PLPPR1: variants seen among roughly 807,000 people sequenced by gnomAD.
PLPPR1 encodes phospholipid phosphatase-related protein type 1.
A neutral mutation model predicts 33.1 loss-of-function variants in PLPPR1; 10 were observed. The observed-to-expected ratio is 0.30, with a 90% CI of 0.19 to 0.51. PLPPR1 has a LOEUF of 0.51. Ranked by LOEUF, PLPPR1 falls within the 20% of genes least tolerant of loss-of-function variation. PLPPR1 has a pLI of 0.97. For synonymous variants in PLPPR1, 151 were observed against 151.0 expected, an observed-to-expected ratio of 1.00 and a Z score of 0.00; for missense variants, 304 against 408.1, an observed-to-expected ratio of 0.74 and a Z score of 2.20.
At chr9:101,273,144 C>A (rs1279707898) in intron 3 of PLPPR1, among the ~76,000 whole-genome samples, 1 of 152,112 alleles carries the variant, frequency 6.6e-6, no homozygotes, top group Non-Finnish European at 1.5e-5. Context: ...TGGGTAAGAT[C>A]TTTTTCTCTT....
intron 1 of PLPPR1, among the ~76,000 whole-genome samples, chr9:101,155,293 C>T (rs1227372958): frequency 2.0e-5 from 3 of 152,044 alleles, no homozygotes; most frequent in Admixed American, 1.3e-4. Flanking sequence ...TATAACAATA[C>T]CAGAGAGTGG....
chr9:101,180,141 TATACAC>T (rs1306838412), intron 1 of PLPPR1, among the ~76,000 whole-genome samples: 1,165 of 28,368 alleles, frequency 0.041, 2 homozygotes, highest in Non-Finnish European at 0.054. Context: ...TATATATATA[TATACAC>T]ACACACACAC....
intron 2 of PLPPR1, among the ~76,000 whole-genome samples, chr9:101,198,357 G>A (rs2417243): frequency 0.54 from 81,550 of 151,948 alleles, 23,101 homozygotes; most frequent in Non-Finnish European, 0.62. Context: ...TTCAGATAAC[G>A]TAACAGGTTC....
chr9:101,217,439 A>G (rs1027147954), intron 2 of PLPPR1, among the ~76,000 whole-genome samples: 19 of 152,194 alleles, frequency 1.2e-4, no homozygotes, highest in Admixed American at 1.0e-3. Flanking sequence ...TGGACTTGTT[A>G]CCTGCACTTG....
intron 1 of PLPPR1, among the ~76,000 whole-genome samples, chr9:101,038,248 T>A (rs896582791): frequency 6.6e-6 from 1 of 152,162 alleles, no homozygotes; most frequent in East Asian, 1.9e-4. Context: ...TACTCTTATA[T>A]GAAAAGGATG....
intron 1 of PLPPR1, among the ~76,000 whole-genome samples, chr9:101,172,598 G>A (rs1376535702): frequency 1.3e-5 from 2 of 152,026 alleles, no homozygotes; most frequent in African/African-American, 4.8e-5. Context: ...GCCTTGGGTA[G>A]TTTCCACCCA....
At chr9:101,318,940 C>T (rs566908177) in intron 7 of PLPPR1, among the ~76,000 whole-genome samples, 4 of 152,144 alleles carry the variant, frequency 2.6e-5, no homozygotes, top group South Asian at 4.2e-4. Flanking sequence ...TCATCTTTTT[C>T]GGGTAGCTGA....
At chr9:101,100,776 G>A (rs1051867007) in intron 1 of PLPPR1, among the ~76,000 whole-genome samples, 2 of 150,560 alleles carry the variant, frequency 1.3e-5, no homozygotes, top group Admixed American at 6.6e-5. Context: ...TAATACACAG[G>A]TATTTCCCCA....
intron 2 of PLPPR1, among the ~76,000 whole-genome samples, chr9:101,214,722 C>T (rs1826754406): frequency 6.6e-6 from 1 of 152,108 alleles, no homozygotes; most frequent in Non-Finnish European, 1.5e-5. Context: ...TACTTTATAG[C>T]TTGAAAAGCT....
chr9:101,285,954 A>T, intron 3 of PLPPR1, 150 bp from the exon 4 acceptor site: 1 of 582,726 alleles, frequency 1.7e-6, no homozygotes, highest in South Asian at 2.6e-5. Context: ...TGAAGTGTTA[A>T]ATGCAAATTA....
At chr9:101,184,992 CT>C (rs1826179790) in intron 1 of PLPPR1, 1 of 152,160 alleles carries the variant, frequency 6.6e-6, no homozygotes, top group African/African-American at 2.4e-5. Context: ...TGGCTCTGTA[CT>C]AAGTGTCAGC....
intron 2 of PLPPR1, among the ~76,000 whole-genome samples, chr9:101,239,548 G>A (rs1202760735): frequency 6.6e-6 from 1 of 151,900 alleles, no homozygotes; most frequent in Non-Finnish European, 1.5e-5. Context: ...CTAAAAAACA[G>A]TAACAGTTCC....
chr9:101,100,411 A>G (rs915669334), intron 1 of PLPPR1, among the ~76,000 whole-genome samples: 4 of 152,034 alleles, frequency 2.6e-5, no homozygotes, highest in African/African-American at 7.2e-5. Flanking sequence ...TTACTTATTT[A>G]TTTTTATTTG....
At chr9:101,237,293 C>G (rs1827321063) in intron 2 of PLPPR1, among the ~76,000 whole-genome samples, 1 of 151,592 alleles carries the variant, frequency 6.6e-6, no homozygotes, top group Non-Finnish European at 1.5e-5. Flanking sequence ...ATAGAACCAC[C>G]AAATGATCCA....
rs946188978 is a variant in PLPPR1 at position 101,228,042 on chromosome 9, G to A, written c.64-41838G>A. On this transcript the variant is annotated intron_variant, in intron 2 of 7. Coordinates refer to ENST00000374874, the MANE Select transcript of PLPPR1 (RefSeq NM_207299.2). ...GATCCACCCACCTTGGCCTCCCAAAGTGCTGGGATTACAGACACAAACCAC... is the reference window on the plus strand; with the variant it reads ...GATCCACCCACCTTGGCCTCCCAAAATGCTGGGATTACAGACACAAACCAC... Among the ~76,000 whole-genome samples, 22 of 152,286 alleles carry A rather than the reference G, an allele frequency of 1.4e-4. No homozygotes were observed. The East Asian group carries it at 3.7e-3, about 25-fold the overall frequency.
At chr9:101,205,966 C>T (rs577118152) in intron 2 of PLPPR1, among the ~76,000 whole-genome samples, 56 of 152,130 alleles carry the variant, frequency 3.7e-4, no homozygotes, top group Non-Finnish European at 6.8e-4. Flanking sequence ...TATATCTCCT[C>T]AGAGAGACTG....
intron 3 of PLPPR1, among the ~76,000 whole-genome samples, chr9:101,280,332 G>A (rs2118908385): frequency 6.6e-6 from 1 of 152,234 alleles, no homozygotes; most frequent in East Asian, 1.9e-4. Context: ...GGACCTGATG[G>A]TTTCACTATT....
chr9:101,054,357 A>G (rs1564131537), intron 1 of PLPPR1, among the ~76,000 whole-genome samples: 1 of 152,168 alleles, frequency 6.6e-6, no homozygotes, highest in Admixed American at 6.5e-5. Context: ...AAGGGTTTCA[A>G]TTCACCAGAT....
chr9:101,076,741 AT>A (rs1216383266), intron 1 of PLPPR1, among the ~76,000 whole-genome samples: 4 of 152,160 alleles, frequency 2.6e-5, no homozygotes, highest in African/African-American at 9.7e-5. Context: ...TTTACTCTGG[AT>A]ATCAGCTCAT....
Sources: allele counts gnomAD v4.1 joint callset (sites outside exome capture counted in the v4.1 genomes callset), GRCh38; gene constraint gnomAD v4.1.1; transcripts MANE v1.5; gene names NCBI Gene and HGNC (gene_info 2026-07-23, HGNC 2026-07-21).